Variants in DNAH6 observed in about 807,000 individuals in gnomAD.
DNAH6 encodes dynein axonemal heavy chain 6.
DNAH6 carries 340 observed loss-of-function variants against 491.4 expected under a neutral mutation model. The observed-to-expected ratio is 0.69, with a 90% CI of 0.63 to 0.76. The LOEUF (loss-of-function observed/expected upper bound fraction) is 0.76, where lower values mean the gene tolerates loss of function less well. Ranked by LOEUF, DNAH6 falls within the 30% of genes least tolerant of loss-of-function variation. The probability of loss-of-function intolerance (pLI) is 0.00; values close to 1 mark genes in which losing one functional copy is unlikely to be tolerated. For missense variants in DNAH6, 4,443 were observed against 4,972.2 expected (o/e 0.89, Z 3.20); for synonymous variants, 1,603 against 1,686.1 (o/e 0.95, Z 1.21).
At position 84,799,473 on chromosome 2, in the gene DNAH6, G is replaced by T. The variant is rs564232331; in HGVS notation, c.11481+1815G>T. Among the ~76,000 whole-genome samples, 8 of 152,346 alleles carry T rather than the reference G, an allele frequency of 5.3e-5. No individual in the cohort carries two copies. In the East Asian group the frequency reaches 7.7e-4, roughly 15 times the overall value. Reference sequence around the variant, plus strand: ...AGACCCACCAGGTCAGGGAACATGAGCTGGGCAGGCCCCACAACCATCCGC... The same window carrying T: ...AGACCCACCAGGTCAGGGAACATGATCTGGGCAGGCCCCACAACCATCCGC... On this transcript the variant is annotated intron_variant, in intron 70 of 76. Coordinates refer to ENST00000389394, the MANE Select transcript of DNAH6 (RefSeq NM_001370.2).
At chr2:84,615,004 G>T (rs1686706811) in intron 22 of DNAH6, among the ~76,000 whole-genome samples, 1 of 151,930 alleles carries the variant, frequency 6.6e-6, no homozygotes. Flanking sequence ...TTCTTTTGCT[G>T]TGCAGAAGCT....
At chr2:84,762,976 C>G (rs553557608) in intron 64 of DNAH6, 31 bp downstream of exon 64, 1 of 1,491,486 alleles carries the variant, frequency 6.7e-7, no homozygotes, top group Non-Finnish European at 9.1e-7. Flanking sequence ...TTTAATAATG[C>G]AAATGCATAT....
At chr2:84,554,739 G>A (rs1169989140) in intron 10 of DNAH6, among the ~76,000 whole-genome samples, 1 of 152,204 alleles carries the variant, frequency 6.6e-6, no homozygotes, top group East Asian at 1.9e-4. Flanking sequence ...AGCTCGCTTA[G>A]GAGCTCTCAT....
chr2:84,666,795 A>G (rs1243806326), intron 37 of DNAH6, among the ~76,000 whole-genome samples: 1 of 152,172 alleles, frequency 6.6e-6, no homozygotes, highest in African/African-American at 2.4e-5. Flanking sequence ...TGCCAAGACA[A>G]TCCTAAGCCA....
intron 4 of DNAH6, among the ~76,000 whole-genome samples, chr2:84,539,076 G>A (rs1412507753): frequency 2.0e-5 from 3 of 152,010 alleles, no homozygotes; most frequent in African/African-American, 7.2e-5. Context: ...TAACACAGTG[G>A]CAGTTTTCTT....
chr2:84,604,528 G>T lies in DNAH6; in HGVS notation c.3058G>T (p.Ala1020Ser). The T allele has an allele frequency of 6.4e-7, 1 of 1,551,446 alleles. No homozygotes were observed. The highest frequency in any genetic ancestry group is 8.7e-7 in the Non-Finnish European group (1 of 1,146,872). ...ATCTGGACAGGCTTCTGGAGAAGCT[G>T]CCTTAGAAGCAATTCTTAAAAAGGT... ...DISGQASGEA[A>S]LEAILKKVED... Residue 1020 changes from alanine (A) to serine (S), a missense_variant, in exon 19 of 77, where the codon GCC becomes TCC. Physicochemically the swap from Ala to Ser is moderately conservative, Grantham distance 99 (BLOSUM62 1). Transcript: ENST00000389394.
At chr2:84,811,853 C>T (rs1680007587) in intron 72 of DNAH6, among the ~76,000 whole-genome samples, 1 of 138,774 alleles carries the variant, frequency 7.2e-6, no homozygotes, top group Non-Finnish European at 1.5e-5. Flanking sequence ...GAGCAAGATT[C>T]TGTCTCAAAA....
chr2:84,601,275 A>G (rs979765768), intron 18 of DNAH6, among the ~76,000 whole-genome samples: 1 of 151,988 alleles, frequency 6.6e-6, no homozygotes, highest in African/African-American at 2.4e-5. Context: ...AACCCAAGTT[A>G]TAAAGTAAAT....
Position 84,658,478 on chromosome 2 carries a change from T to G in DNAH6, c.5940+4T>G. ...AGATGGAGTTAACTTGGCAATGGTA[T>G]GAAGAGTTTTCTTATTGCTATGAAG... On this transcript the variant is annotated splice_donor_region_variant and intron_variant, in intron 36 of 76. Coordinates refer to ENST00000389394, the MANE Select transcript of DNAH6 (RefSeq NM_001370.2). 6.8e-7 allele frequency: 1 copy of G among 1,470,794 alleles called. No homozygotes were observed. The highest frequency in any genetic ancestry group is 9.0e-7 in the Non-Finnish European group (1 of 1,106,422). 91.1% of individuals were successfully genotyped at this position (1,470,794 alleles called of 1,614,324 possible). A position where few individuals can be genotyped will look rare whatever the true frequency, so the allele number is the denominator to read the frequency against.
At chr2:84,566,958 A>G (rs979387765) in intron 11 of DNAH6, among the ~76,000 whole-genome samples, 18 of 152,102 alleles carry the variant, frequency 1.2e-4, no homozygotes, top group Admixed American at 6.6e-5. Flanking sequence ...TATGGTTCAC[A>G]TTCTACACAC....
chr2:84,482,892 C>T, the DNAH6 span, among the ~76,000 whole-genome samples: 1 of 152,046 alleles, frequency 6.6e-6, no homozygotes, highest in Non-Finnish European at 1.5e-5. Context: ...CTTAAAAATG[C>T]AGGTGTCAGA....
chr2:84,697,805 C>A lies in DNAH6; in HGVS notation c.7677+78C>A, dbSNP rs771672761. 23 of 1,447,670 alleles carry A rather than the reference C, an allele frequency of 1.6e-5. 1 individual carries two copies. In the South Asian group the frequency reaches 2.6e-4, roughly 17 times the overall value. The allele number at this position is 1,447,670 out of a possible 1,614,324, so 89.7% of individuals were successfully genotyped here. A position where few individuals can be genotyped will look rare whatever the true frequency, so the allele number is the denominator to read the frequency against. ...CTTTTATTTAACCATTCATTGATTG[C>A]CTGAAGGGGTCCATGAATAAAATTT... On this transcript the variant is annotated intron_variant, in intron 47 of 76. Transcript: ENST00000389394.
At chr2:84,642,158 A>G (rs954815794) in intron 33 of DNAH6, 104 bp downstream of exon 33, 8 of 791,842 alleles carry the variant, frequency 1.0e-5, no homozygotes, top group Non-Finnish European at 1.6e-5. Flanking sequence ...AAACTTTCCT[A>G]TCTTTTCTGG....
At chr2:84,556,506 T>G (rs1483297983) in intron 10 of DNAH6, among the ~76,000 whole-genome samples, 1 of 152,268 alleles carries the variant, frequency 6.6e-6, no homozygotes, top group Non-Finnish European at 1.5e-5. Flanking sequence ...CTTTTGAGAC[T>G]CATTTAAAGA....
chr2:84,727,711 C>G lies in DNAH6; in HGVS notation c.10015C>G (p.Leu3339Val), dbSNP rs569348242. The change falls in exon 61 of 77, where the codon CTA becomes GTA. Residue 3339 changes from leucine (L) to valine (V), a missense_variant. By Grantham distance (32) the Leu-to-Val change is conservative. Transcript: ENST00000389394. ...TIETSVKTEN[L>V]QQRLDVLLEQ... ...TGAAACTTCTGTAAAGACAGAAAAT[C>G]TACAACAGCGCCTGGACGTACTACT... is the stretch of plus-strand genomic sequence containing the variant. 10 of 1,551,484 alleles carry G rather than the reference C, an allele frequency of 6.4e-6. No homozygotes were observed. The South Asian group carries it at 1.2e-4, about 18-fold the overall frequency.
intron 37 of DNAH6, among the ~76,000 whole-genome samples, chr2:84,664,512 C>G (rs1241468024): frequency 6.6e-6 from 1 of 152,126 alleles, no homozygotes; most frequent in African/African-American, 2.4e-5. Context: ...AAGCCCATTA[C>G]ATAATAGTAA....
intron 63 of DNAH6, among the ~76,000 whole-genome samples, chr2:84,760,103 G>A (rs1374004045): frequency 6.6e-6 from 1 of 152,112 alleles, no homozygotes; most frequent in Non-Finnish European, 1.5e-5. Context: ...TGGGAAAATT[G>A]GATTGCCATT....
rs1231580489 is a variant in DNAH6 at position 84,727,826 on chromosome 2, A to C, written c.10130A>C (p.Glu3377Ala). The C allele has an allele frequency of 1.9e-6, 3 of 1,552,010 alleles. No homozygotes were observed. Among genetic ancestry groups the C allele is most frequent in the Non-Finnish European group, 2.6e-6 (3 of 1,147,054 alleles). ...KLIYSFMLCV[E>A]MMRQQGTLSD... Reference sequence around the variant, plus strand: ...ATCTACAGCTTTATGCTTTGTGTTGAGATGATGCGTCAGCAAGGAACCCTA... The same window carrying C: ...ATCTACAGCTTTATGCTTTGTGTTGCGATGATGCGTCAGCAAGGAACCCTA... Residue 3377 changes from glutamate (E) to alanine (A), a missense_variant, in exon 61 of 77, where the codon GAG becomes GCG. Physicochemically the swap from Glu to Ala is moderately radical, Grantham distance 107 (BLOSUM62 -1). Transcript: ENST00000389394.
At chr2:84,708,338 G>C (rs1430444277) in intron 54 of DNAH6, among the ~76,000 whole-genome samples, 1 of 151,714 alleles carries the variant, frequency 6.6e-6, no homozygotes, top group Admixed American at 6.6e-5. Flanking sequence ...CTAGCTACTG[G>C]GGAGGCCGAG....
Sources: gnomAD v4.1 joint callset for allele counts (sites outside exome capture counted in the v4.1 genomes callset) on GRCh38, gnomAD v4.1.1 for gene constraint, MANE v1.5 for transcripts, NCBI Gene and HGNC (gene_info 2026-07-23, HGNC 2026-07-21) for gene names.